The following IGFBP6 variants were observed in gnomAD, a reference collection of about 807,000 sequenced individuals.
IGFBP6 encodes insulin like growth factor binding protein 6.
In IGFBP6, 24 loss-of-function variants were observed where a neutral mutation model predicts 24.5. The ratio of observed to expected loss-of-function variants is 0.98; its 90% CI spans 0.71 to 1.38. IGFBP6 has a LOEUF of 1.38. IGFBP6 is among the 40% of genes most tolerant of loss of function. The pLI, the probability that IGFBP6 is intolerant of heterozygous loss-of-function variation, is 0.00. For synonymous variants in IGFBP6, 147 were observed against 137.4 expected, an observed-to-expected ratio of 1.07 and a Z score of -0.49; for missense variants, 331 against 324.8, an observed-to-expected ratio of 1.02 and a Z score of -0.15.
chr12:53,099,664 A>AAAGCCCC (rs1937795220), intron 1 of IGFBP6, among the ~76,000 whole-genome samples: 1 of 152,128 alleles, frequency 6.6e-6, no homozygotes. Context: ...CCCAAAGCCC[A>AAAGCCCC]AAGCCCCAAA....
intron 1 of IGFBP6, among the ~76,000 whole-genome samples, chr12:53,100,456 C>T (rs1485006611): frequency 6.6e-6 from 1 of 152,242 alleles, no homozygotes; most frequent in Admixed American, 6.5e-5. Flanking sequence ...GCCATTGCAC[C>T]CATCCTCATT....
At chr12:53,101,947 G>A (rs925891454) in intron 3 of IGFBP6, 98 bp from the exon 4 acceptor site, 14 of 704,428 alleles carry the variant, frequency 2.0e-5, no homozygotes, top group Admixed American at 5.5e-5. Context: ...CCGAGGAGAC[G>A]CTCAGGTGTT....
Position 53,098,035 on chromosome 12 carries a change from G to T in IGFBP6, c.318G>T (p.Pro106=). The T allele has an allele frequency of 6.8e-7, 1 of 1,468,560 alleles. No individual in the cohort carries two copies. Among genetic ancestry groups the T allele is most frequent in the East Asian group, 2.7e-5 (1 of 36,984 alleles). 91.0% of individuals were successfully genotyped at this position (1,468,560 alleles called of 1,614,324 possible). The stretch of plus-strand genomic sequence containing the variant: ...TGCTCGGCCGAGGCCGCTGCCTTCC[G>T]GCCCGCGCGCCTGCTGGTGAGTCCG... ...ALLLGRGRCL[P]ARAPAVAEEN... is the part of the protein sequence containing the mutation. Residue 106 remains proline, a synonymous_variant, in exon 1 of 4, where the codon CCG becomes CCT. Transcript: ENST00000301464.
Position 53,097,872 on chromosome 12 carries a change from C to A in IGFBP6, c.155C>A (p.Ser52Ter), listed in dbSNP as rs1198969241. 6.6e-7 allele frequency: 1 copy of A among 1,516,460 alleles called. No individual in the cohort carries two copies. The highest frequency in any genetic ancestry group is 1.4e-5 in the African/African-American group (1 of 71,964). The allele number at this position is 1,516,460 out of a possible 1,614,324, so 93.9% of individuals were successfully genotyped here. ...TGCGTGGAGGAGGAGGATGGGGGGT[C>A]GCCAGCCGAGGGCTGCGCGGAAGCT... Reference protein sequence around the residue: ...GGCVEEEDGGSPAEGCAEAEG... With the variant: ...GGCVEEEDGG The change falls in exon 1 of 4, where the codon TCG (serine) becomes TAG (stop). Residue 52 changes from serine to a stop codon, truncating the protein, a stop_gained. Coordinates refer to ENST00000301464, the MANE Select transcript of IGFBP6 (RefSeq NM_002178.3). LOFTEE classifies it high-confidence loss of function.
Position 53,102,279 on chromosome 12 carries a change from C to A in IGFBP6, c.*112C>A. The A allele has an allele frequency of 8.0e-7, 1 of 1,246,556 alleles. No homozygotes were observed. 77.2% of individuals were successfully genotyped at this position (1,246,556 alleles called of 1,614,324 possible). A position where few individuals can be genotyped will look rare whatever the true frequency, so the allele number is the denominator to read the frequency against. ...TTCAGGCCCCGCCCCATGGGCCCCT[C>A]ACCGCTGGTTGGAAAGAGTGTTGGT... On this transcript the variant is annotated 3_prime_UTR_variant, in exon 4 of 4. Coordinates refer to ENST00000301464, the MANE Select transcript of IGFBP6 (RefSeq NM_002178.3).
intron 1 of IGFBP6, among the ~76,000 whole-genome samples, chr12:53,099,670 C>T (rs370490596): frequency 6.8e-4 from 104 of 152,044 alleles, no homozygotes; most frequent in African/African-American, 2.3e-3. Flanking sequence ...GCCCAAAGCC[C>T]CAAATAGTCC....
At position 53,098,118 on chromosome 12, in the gene IGFBP6, A is replaced by C. The variant is rs536005494; in HGVS notation, c.334+67A>C. On this transcript the variant is annotated intron_variant, in intron 1 of 3. Transcript: ENST00000301464. ...GCGTCCTCCAGGCAGGGTCCTGGGG[A>C]GACGGGAGTGGGTGGCCCGGCAAGC... The C allele has an allele frequency of 5.8e-5, 79 of 1,363,610 alleles. No homozygotes were observed. In the African/African-American group the frequency reaches 1.1e-3, roughly 19 times the overall value. 84.5% of individuals were successfully genotyped at this position (1,363,610 alleles called of 1,614,324 possible). A position where few individuals can be genotyped will look rare whatever the true frequency, so the allele number is the denominator to read the frequency against.
intron 1 of IGFBP6, among the ~76,000 whole-genome samples, chr12:53,100,083 C>T (rs961907633): frequency 2.1e-4 from 32 of 152,270 alleles, no homozygotes; most frequent in African/African-American, 7.2e-4. Context: ...TGGTCTCGAA[C>T]GCCTGACCTC....
intron 1 of IGFBP6, 41 bp from the exon 2 acceptor site, chr12:53,100,671 T>G: frequency 1.2e-6 from 2 of 1,611,052 alleles, no homozygotes; most frequent in Non-Finnish European, 1.7e-6. Flanking sequence ...CACATGGCTC[T>G]GCCTGATTTC....
At position 53,098,668 on chromosome 12, in the gene IGFBP6, A is replaced by G. The variant is rs9658604; in HGVS notation, c.334+617A>G. Among the ~76,000 whole-genome samples, 912 of 152,272 alleles carry G rather than the reference A, an allele frequency of 6.0e-3. 6 individuals carry two copies. The highest frequency in any genetic ancestry group is 0.021 in the African/African-American group (867 of 41,530). ...AGAGGGGAGAAAGAGTAGGGGAAAG[A>G]GGGAATCTGCCAAATCAGGGTTATG... On this transcript the variant is annotated intron_variant, in intron 1 of 3. Coordinates refer to ENST00000301464, the MANE Select transcript of IGFBP6 (RefSeq NM_002178.3).
Position 53,101,058 on chromosome 12 carries a change from T to C in IGFBP6, c.498T>C (p.His166=), listed in dbSNP as rs1937818599. ...QDTEMGPCRR[H]LDSVLQQLQT... is the part of the protein sequence containing the mutation. The stretch of plus-strand genomic sequence containing the variant: ...TTCCCCAGGGCCCATGCCGTAGACA[T>C]CTGGACTCAGTGCTGCAGCAACTCC... The change falls in exon 3 of 4, where the codon CAT becomes CAC. Residue 166 remains histidine (H), a synonymous_variant. Transcript: ENST00000301464. 7 of 1,614,150 alleles carry C rather than the reference T, an allele frequency of 4.3e-6. No homozygotes were observed. Among genetic ancestry groups the C allele is most frequent in the Non-Finnish European group, 5.9e-6 (7 of 1,180,014 alleles).
chr12:53,097,683 C>T lies in IGFBP6; in HGVS notation c.-35C>T, dbSNP rs757983205. 3 of 1,533,928 alleles carry T rather than the reference C, an allele frequency of 2.0e-6. No homozygotes were observed. Among genetic ancestry groups the T allele is most frequent in the African/African-American group, 1.4e-5 (1 of 72,014 alleles). ...GCGGGCAGCAGCTGCGCTGCGACTG[C>T]TCTGGAAGGAGAGGACGGGGCACAA... On this transcript the variant is annotated 5_prime_UTR_variant, in exon 1 of 4. Coordinates refer to ENST00000301464, the MANE Select transcript of IGFBP6 (RefSeq NM_002178.3).
chr12:53,099,745 A>AAATTAATTTTTTAAAATTAAGT (rs1937795935), intron 1 of IGFBP6, among the ~76,000 whole-genome samples: 1 of 149,198 alleles, frequency 6.7e-6, no homozygotes, highest in Non-Finnish European at 1.5e-5. Context: ...ATTGATTTTT[A>AAATTAATTTTTTAAAATTAAGT]AATTAGTTAA....
rs1346492034 is a variant in IGFBP6, at chr12:53,101,094, C to G, written c.534C>G (p.Val178=). 6.2e-6 allele frequency: 10 copies of G among 1,614,088 alleles called. No individual in the cohort carries two copies. In the South Asian group the frequency reaches 1.1e-4, roughly 18 times the overall value. Reference sequence around the variant, plus strand: ...TGCTGCAGCAACTCCAGACTGAGGTCTACCGAGGGGCTCAAACACTCTACG... The same window carrying G: ...TGCTGCAGCAACTCCAGACTGAGGTGTACCGAGGGGCTCAAACACTCTACG... ...DSVLQQLQTE[V]YRGAQTLYVP... is the part of the protein sequence containing the mutation. Residue 178 remains valine, a synonymous_variant, in exon 3 of 4, where the codon GTC becomes GTG. Coordinates refer to ENST00000301464, the MANE Select transcript of IGFBP6 (RefSeq NM_002178.3).
At position 53,101,104 on chromosome 12, in the gene IGFBP6, G is replaced by A. The variant is rs1479146480; in HGVS notation, c.544G>A (p.Ala182Thr). Reference protein sequence around the residue: ...QQLQTEVYRGAQTLYVPNCDH... With the variant: ...QQLQTEVYRGTQTLYVPNCDH... ...ACTCCAGACTGAGGTCTACCGAGGG[G>A]CTCAAACACTCTACGTGCCCAATTG... Residue 182 changes from alanine (A) to threonine (T), a missense_variant, in exon 3 of 4, where the codon GCT becomes ACT. Coordinates refer to ENST00000301464, the MANE Select transcript of IGFBP6 (RefSeq NM_002178.3). The A allele has an allele frequency of 1.2e-6, 2 of 1,614,210 alleles. No homozygotes were observed. The highest frequency in any genetic ancestry group is 1.7e-6 in the Non-Finnish European group (2 of 1,180,032).
chr12:53,100,929 G>A (rs1379289391), intron 2 of IGFBP6, 72 bp downstream of exon 2: 1 of 1,606,502 alleles, frequency 6.2e-7, no homozygotes, highest in Non-Finnish European at 8.5e-7. Context: ...CTGCTCCCTT[G>A]GGCTTGGAGA....
At chr12:53,101,228 CT>C in intron 3 of IGFBP6, 68 bp downstream of exon 3, 1 of 1,528,020 alleles carries the variant, frequency 6.5e-7, no homozygotes, top group Non-Finnish European at 9.0e-7. Context: ...GGCGGTGCTG[CT>C]TACAAAGCTG....
chr12:53,099,708 T>A (rs867814102), intron 1 of IGFBP6, among the ~76,000 whole-genome samples: 2 of 151,090 alleles, frequency 1.3e-5, no homozygotes, highest in South Asian at 2.1e-4. Context: ...TTTTTTCATT[T>A]ATTTTATTAT....
chr12:53,100,546 G>GA (rs1346026286), intron 1 of IGFBP6, among the ~76,000 whole-genome samples, 166 bp from the exon 2 acceptor site: 1 of 152,242 alleles, frequency 6.6e-6, no homozygotes, highest in Non-Finnish European at 1.5e-5. Flanking sequence ...ATATTGTCAG[G>GA]AAAAGTAATA....
Sources: gnomAD v4.1 joint callset for allele counts (sites outside exome capture counted in the v4.1 genomes callset) on GRCh38, gnomAD v4.1.1 for gene constraint, MANE v1.5 for transcripts, NCBI Gene and HGNC (gene_info 2026-07-23, HGNC 2026-07-21) for gene names.